OCA2: variants seen among roughly 807,000 people sequenced by gnomAD.
The protein encoded by OCA2 is OCA2 melanosomal transmembrane protein.
A neutral mutation model predicts 100.2 loss-of-function variants in OCA2; 77 were observed. The ratio of observed to expected loss-of-function variants is 0.77; its 90% confidence interval spans 0.64 to 0.93. OCA2 has a LOEUF of 0.93. OCA2 is among the 40% of genes least tolerant of loss of function. The pLI, the probability that OCA2 is intolerant of heterozygous loss-of-function variation, is 0.00. For missense variants in OCA2, 1,062 were observed against 1,089.1 expected (o/e 0.98, Z 0.35); for synonymous variants, 432 against 439.2 (o/e 0.98, Z 0.21).
At chr15:27,898,526 C>T (rs1448316635) in intron 19 of OCA2, among the ~76,000 whole-genome samples, 1 of 152,186 alleles carries the variant, frequency 6.6e-6, no homozygotes, top group African/African-American at 2.4e-5. Flanking sequence ...ATTGTGAGGC[C>T]TCCCCAGACA....
At chr15:28,092,559 C>T (rs1566887211) in intron 1 of OCA2, among the ~76,000 whole-genome samples, 1 of 152,084 alleles carries the variant, frequency 6.6e-6, no homozygotes, top group Admixed American at 6.6e-5. Flanking sequence ...TACTATGGTG[C>T]CCAGTCTGGT....
intron 9 of OCA2, among the ~76,000 whole-genome samples, chr15:28,000,433 C>G (rs2041891379): frequency 6.6e-6 from 1 of 152,108 alleles, no homozygotes; most frequent in Admixed American, 6.6e-5. Flanking sequence ...AAAGTGGACC[C>G]TATCCTACAC....
intron 2 of OCA2, among the ~76,000 whole-genome samples, chr15:28,078,712 C>A (rs1242831488): frequency 1.3e-5 from 2 of 152,146 alleles, no homozygotes; most frequent in Admixed American, 6.6e-5. Context: ...GAGCAGAGGA[C>A]CTAGGTCAGC....
At chr15:27,936,501 A>G (rs908355531) in intron 18 of OCA2, among the ~76,000 whole-genome samples, 17 of 152,140 alleles carry the variant, frequency 1.1e-4, no homozygotes, top group African/African-American at 3.6e-4. Flanking sequence ...CATTTTTTAT[A>G]ATCTTCGTGT....
chr15:27,945,493 G>A (rs138390507), intron 18 of OCA2, among the ~76,000 whole-genome samples: 71 of 152,260 alleles, frequency 4.7e-4, no homozygotes, highest in African/African-American at 1.6e-3. Flanking sequence ...GCCGGGGTGG[G>A]TGGGCGCCCT....
intron 14 of OCA2, among the ~76,000 whole-genome samples, chr15:27,972,671 A>C (rs1439659129): frequency 6.6e-6 from 1 of 151,470 alleles, no homozygotes; most frequent in Non-Finnish European, 1.5e-5. Flanking sequence ...ATGTCTACTC[A>C]TGTCATTTGC....
chr15:27,997,597 G>C (rs2041792031), intron 9 of OCA2, among the ~76,000 whole-genome samples: 1 of 151,382 alleles, frequency 6.6e-6, no homozygotes, highest in Non-Finnish European at 1.5e-5. Flanking sequence ...AGTATAGTTT[G>C]AAGTCAGGTA....
At chr15:27,939,868 T>C (rs1273849150) in intron 18 of OCA2, among the ~76,000 whole-genome samples, 1 of 152,202 alleles carries the variant, frequency 6.6e-6, no homozygotes, top group African/African-American at 2.4e-5. Context: ...GCCACACAAC[T>C]TGGATCTTCT....
chr15:27,902,338 TTTGA>T (rs1192631689), intron 19 of OCA2, among the ~76,000 whole-genome samples: 1 of 152,210 alleles, frequency 6.6e-6, no homozygotes, highest in African/African-American at 2.4e-5. Context: ...GTATCAACGA[TTTGA>T]TTTACTCAAC....
intron 18 of OCA2, among the ~76,000 whole-genome samples, chr15:27,934,216 G>A (rs1460577443): frequency 6.6e-6 from 1 of 152,104 alleles, no homozygotes; most frequent in Non-Finnish European, 1.5e-5. Context: ...AGCATGTGAA[G>A]GGCAGACCAT....
chr15:27,891,761 G>T (rs1396087804), intron 19 of OCA2, among the ~76,000 whole-genome samples: 2 of 152,030 alleles, frequency 1.3e-5, no homozygotes, highest in African/African-American at 2.4e-5. Context: ...AATTGAAATG[G>T]CATATTTAAG....
chr15:27,983,567 C>T, intron 13 of OCA2, 84 bp from the exon 14 acceptor site: 3 of 1,498,446 alleles, frequency 2.0e-6, no homozygotes, highest in Non-Finnish European at 2.8e-6. Flanking sequence ...TTTTAAGGCG[C>T]TTGCTCGTAT....
chr15:27,996,866 A>C (rs1236747267), intron 9 of OCA2, among the ~76,000 whole-genome samples: 1 of 152,046 alleles, frequency 6.6e-6, no homozygotes, highest in Non-Finnish European at 1.5e-5. Flanking sequence ...ACATTTAAAG[A>C]ATGCCAATAC....
chr15:27,905,359 A>G (rs1023163386), intron 19 of OCA2, among the ~76,000 whole-genome samples: 13 of 152,208 alleles, frequency 8.5e-5, no homozygotes, highest in African/African-American at 2.9e-4. Flanking sequence ...TGAAAAGAGA[A>G]AAGTGAAAAT....
rs2140369907 is a variant in OCA2 at position 27,925,977 on chromosome 15, C to T, written c.2079+150G>A. 6 of 926,492 alleles carry T rather than the reference C, an allele frequency of 6.5e-6. No individual in the cohort carries two copies. In the East Asian group the frequency reaches 1.6e-4, roughly 24 times the overall value. The allele number at this position is 926,492 out of a possible 1,614,324, so 57.4% of individuals were successfully genotyped here. ...CAGTGGCTAAGGTAAAGCTGGTTAA[C>T]TTAAAATAGTCCAATTACAACCTTC... On this transcript the variant is annotated intron_variant, in intron 19 of 23. Coordinates refer to ENST00000354638, the MANE Select transcript of OCA2 (RefSeq NM_000275.3).
chr15:27,734,024 G>A, the OCA2 span, among the ~76,000 whole-genome samples: 1 of 151,542 alleles, frequency 6.6e-6, no homozygotes, highest in Non-Finnish European at 1.5e-5. Context: ...GCTGGGAATA[G>A]TGGTGCACGA....
At chr15:27,996,013 G>A (rs549371437) in intron 9 of OCA2, among the ~76,000 whole-genome samples, 86 of 152,042 alleles carry the variant, frequency 5.7e-4, no homozygotes, top group African/African-American at 2.0e-3. Flanking sequence ...GGGTTTCACT[G>A]TGTTGGCCAG....
intron 22 of OCA2, among the ~76,000 whole-genome samples, 200 bp downstream of exon 22, chr15:27,851,182 C>T (rs1375508260): frequency 3.3e-5 from 5 of 152,184 alleles, no homozygotes. Context: ...CCCGGGAAGT[C>T]GGGGGCAGCT....
At chr15:27,983,685 C>T (rs550966741) in intron 13 of OCA2, among the ~76,000 whole-genome samples, 1 of 152,164 alleles carries the variant, frequency 6.6e-6, no homozygotes, top group Non-Finnish European at 1.5e-5. Flanking sequence ...AGTTACATTC[C>T]TTTCCAGAGT....
Sources: gnomAD v4.1 joint callset for allele counts (sites outside exome capture counted in the v4.1 genomes callset) on GRCh38, gnomAD v4.1.1 for gene constraint, MANE v1.5 for transcripts, NCBI Gene and HGNC (gene_info 2026-07-23, HGNC 2026-07-21) for gene names.